The following LTBP2 variants were observed in gnomAD, a reference collection of about 807,000 sequenced individuals.
LTBP2 encodes latent transforming growth factor beta binding protein 2.
In LTBP2, 103 loss-of-function variants were observed where a neutral mutation model predicts 210.6. The ratio of observed to expected loss-of-function variants is 0.49; its 90% CI spans 0.42 to 0.58. The LOEUF (loss-of-function observed/expected upper bound fraction) is 0.58, where lower values mean the gene tolerates loss of function less well. Among genes scored for constraint, LTBP2 ranks in the 20% least tolerant of loss-of-function variants. The probability of loss-of-function intolerance (pLI) is 0.00; values close to 1 mark genes in which losing one functional copy is unlikely to be tolerated. For missense variants in LTBP2, 2,313 were observed against 2,494.5 expected (o/e 0.93, Z 1.55); for synonymous variants, 1,007 against 1,015.0 (o/e 0.99, Z 0.15).
rs1052939 is a variant in LTBP2 at position 74,499,066 on chromosome 14, G to A, written c.*1818C>T. 0.28 allele frequency: 60,228 copies of A among 217,940 alleles called. 9,098 individuals are homozygous for A. The highest frequency in any genetic ancestry group is 0.57 in the East Asian group (8,281 of 14,650). 13.5% of individuals were successfully genotyped at this position (217,940 alleles called of 1,614,324 possible). A position where few individuals can be genotyped will look rare whatever the true frequency, so the allele number is the denominator to read the frequency against. Reference sequence around the variant, plus strand: ...TGCTTTTATAATTTTGAAGGACATTGCCATATTGTCCTCTTCAATATGTAC... The same window carrying A: ...TGCTTTTATAATTTTGAAGGACATTACCATATTGTCCTCTTCAATATGTAC... On this transcript the variant is annotated 3_prime_UTR_variant, in exon 36 of 36. Coordinates refer to ENST00000261978, the MANE Select transcript of LTBP2 (RefSeq NM_000428.3).
intron 15 of LTBP2, 71 bp downstream of exon 15, chr14:74,525,053 G>A (rs867759693): frequency 3.6e-6 from 3 of 834,060 alleles, no homozygotes; most frequent in Middle Eastern, 2.5e-4. Flanking sequence ...CCCCTGCCCT[G>A]GAGTTGGCTC....
chr14:74,592,086 G>A (rs1202176106), intron 2 of LTBP2, among the ~76,000 whole-genome samples: 1 of 152,214 alleles, frequency 6.6e-6, no homozygotes, highest in African/African-American at 2.4e-5. Flanking sequence ...GGAGGGAGGG[G>A]CAATCGTGGT....
rs1555347780 is a variant in LTBP2, at chr14:74,506,876, TGTGCGCGC to T, written c.3908-61_3908-54del. 4 of 1,334,674 alleles carry T rather than the reference TGTGCGCGC, an allele frequency of 3.0e-6. No individual in the cohort carries two copies. In the African/African-American group the frequency reaches 6.9e-5, roughly 23 times the overall value. The allele number at this position is 1,334,674 out of a possible 1,614,324, so 82.7% of individuals were successfully genotyped here. On this transcript the variant is annotated intron_variant, in intron 26 of 35. Coordinates refer to ENST00000261978, the MANE Select transcript of LTBP2 (RefSeq NM_000428.3). ...GGATGTGTGTGTGTGTGTGTGTGTG[TGTGCGCGC>T]GCGCGTGTGTGCTCACTCTCTCACA...
Position 74,503,401 on chromosome 14 carries a change from C to A in LTBP2, c.4721-15G>T, listed in dbSNP as rs201294882. ...AGGGAGGTCCTCTGGTGGCACAGGG[C>A]ACGGAGGCACATGAGCCCCCCAGCC... On this transcript the variant is annotated splice_polypyrimidine_tract_variant and intron_variant, in intron 32 of 35. Coordinates refer to ENST00000261978, the MANE Select transcript of LTBP2 (RefSeq NM_000428.3). The A allele has an allele frequency of 1.4e-5, 23 of 1,611,078 alleles. No individual in the cohort carries two copies. Among genetic ancestry groups the A allele is most frequent in the Non-Finnish European group, 1.9e-5 (22 of 1,179,510 alleles).
intron 2 of LTBP2, among the ~76,000 whole-genome samples, chr14:74,590,179 CTT>C (rs1483635598): frequency 6.6e-6 from 1 of 152,208 alleles, no homozygotes; most frequent in Non-Finnish European, 1.5e-5. Flanking sequence ...AAAGGGAACA[CTT>C]ATACACTGCT....
chr14:74,595,879 G>A (rs1052347616), intron 2 of LTBP2, among the ~76,000 whole-genome samples: 4 of 152,160 alleles, frequency 2.6e-5, no homozygotes. Context: ...TAGTCAGAGG[G>A]ACTGTCACTC....
At chr14:74,604,271 A>G (rs1356969616) in intron 1 of LTBP2, among the ~76,000 whole-genome samples, 2 of 151,938 alleles carry the variant, frequency 1.3e-5, no homozygotes. Context: ...AAACAGTCTC[A>G]AGGTCATACG....
intron 3 of LTBP2, among the ~76,000 whole-genome samples, chr14:74,578,324 G>A (rs963573206): frequency 2.6e-5 from 4 of 152,168 alleles, no homozygotes; most frequent in Non-Finnish European, 5.9e-5. Flanking sequence ...CCCGCGAATC[G>A]TGCTACATTA....
At chr14:74,602,904 G>A (rs2088468139) in intron 2 of LTBP2, among the ~76,000 whole-genome samples, 1 of 152,246 alleles carries the variant, frequency 6.6e-6, no homozygotes, top group Non-Finnish European at 1.5e-5. Flanking sequence ...AGGGGCCAGG[G>A]CAGAGGTGGA....
intron 1 of LTBP2, among the ~76,000 whole-genome samples, chr14:74,610,220 T>G (rs1444569117): frequency 6.6e-6 from 1 of 152,020 alleles, no homozygotes; most frequent in Non-Finnish European, 1.5e-5. Flanking sequence ...ATAGAACATA[T>G]CAGATAGAAT....
At chr14:74,534,549 C>T (rs1440199513) in intron 9 of LTBP2, among the ~76,000 whole-genome samples, 1 of 152,184 alleles carries the variant, frequency 6.6e-6, no homozygotes, top group East Asian at 1.9e-4. Flanking sequence ...AAGGCGCCCC[C>T]ACCATGGGAT....
Position 74,562,546 on chromosome 14 carries a change from CAG to C in LTBP2, c.831-6855_831-6854del, listed in dbSNP as rs1319844063. Reference sequence around the variant, plus strand: ...GAGAAAAGATGAGTCTCCATAATATCAGAGTTCCTAGAAACAGAAATGTCAGA... The same window carrying C: ...GAGAAAAGATGAGTCTCCATAATATCAGTTCCTAGAAACAGAAATGTCAGA... On this transcript the variant is annotated intron_variant, in intron 3 of 35. Transcript: ENST00000261978. Among the ~76,000 whole-genome samples the C allele has an allele frequency of 5.9e-5, 9 of 152,120 alleles. No individual in the cohort carries two copies. The East Asian group carries it at 1.7e-3, about 29-fold the overall frequency.
intron 3 of LTBP2, among the ~76,000 whole-genome samples, chr14:74,565,036 T>C (rs1355325171): frequency 6.6e-6 from 1 of 152,192 alleles, no homozygotes; most frequent in Non-Finnish European, 1.5e-5. Flanking sequence ...GTGTCTGGGC[T>C]GTACTGAGTG....
intron 3 of LTBP2, among the ~76,000 whole-genome samples, chr14:74,566,971 G>T (rs1282881823): frequency 6.6e-6 from 1 of 152,210 alleles, no homozygotes; most frequent in East Asian, 1.9e-4. Flanking sequence ...GACCCCAGGG[G>T]ATGACCCTGC....
intron 12 of LTBP2, among the ~76,000 whole-genome samples, chr14:74,528,003 G>A (rs532218458): frequency 1.6e-4 from 25 of 152,362 alleles, no homozygotes; most frequent in Non-Finnish European, 3.2e-4. Context: ...CAGGGCACTT[G>A]CAAGGAGAGC....
chr14:74,573,331 G>A (rs1167808877), intron 3 of LTBP2, among the ~76,000 whole-genome samples: 1 of 152,228 alleles, frequency 6.6e-6, no homozygotes, highest in Non-Finnish European at 1.5e-5. Context: ...CAAATGTGCT[G>A]AAGATCTTCC....
intron 3 of LTBP2, among the ~76,000 whole-genome samples, chr14:74,581,407 C>T (rs1057173035): frequency 9.9e-5 from 15 of 151,902 alleles, no homozygotes; most frequent in Non-Finnish European, 1.5e-5. Context: ...TGACATAGGC[C>T]CCTAAAAGTA....
In LTBP2 at chr14:74,503,325, C is replaced by T. The variant is rs2079631; in HGVS notation, c.4782G>A (p.Val1594=). The T allele has an allele frequency of 3.8e-3, 6,146 of 1,613,964 alleles. 228 individuals are homozygous for T. The African/African-American group carries it at 0.074, about 19-fold the overall frequency. The change falls in exon 33 of 36, where the codon GTG becomes GTA. Residue 1594 remains valine, a synonymous_variant. Transcript: ENST00000261978. The part of the protein sequence containing the change: ...DICWKKVTND[V]CSEPLRGHRT... ...GGTGCCCACGCAGGGGTTCGCTGCA[C>T]ACATCATTGGTGACTTTTTTCCAGC...
chr14:74,504,971 T>G lies in LTBP2; in HGVS notation c.4369+12A>C. ...CTGACCCTTCGAGGATCTGGAACCC[T>G]TGGGGTCTTACCTGAGTCCTCAGAC... is the stretch of plus-strand genomic sequence containing the variant. On this transcript the variant is annotated intron_variant, in intron 29 of 35. Transcript: ENST00000261978. 1 of 1,614,190 alleles carries G rather than the reference T, an allele frequency of 6.2e-7. No homozygotes were observed. Among genetic ancestry groups the G allele is most frequent in the African/African-American group, 1.3e-5 (1 of 75,052 alleles).
Sources: allele counts gnomAD v4.1 joint callset (sites outside exome capture counted in the v4.1 genomes callset), GRCh38; gene constraint gnomAD v4.1.1; transcripts MANE v1.5; gene names NCBI Gene and HGNC (gene_info 2026-07-23, HGNC 2026-07-21).